SEMA3E: variants seen among roughly 807,000 people sequenced by gnomAD.
SEMA3E encodes semaphorin-3E.
Under a neutral mutation model 93.6 loss-of-function variants are expected in SEMA3E, and 49 were observed. The observed-to-expected ratio is 0.52, with a 90% confidence interval of 0.42 to 0.66. The LOEUF (loss-of-function observed/expected upper bound fraction) is 0.66. Ranked by LOEUF, SEMA3E falls within the 30% of genes least tolerant of loss-of-function variation. The pLI is 0.00. For missense variants in SEMA3E, 906 were observed against 964.8 expected, an observed-to-expected ratio of 0.94 and a Z score of 0.81; for synonymous variants, 363 against 330.7, an observed-to-expected ratio of 1.10 and a Z score of -1.06.
intron 4 of SEMA3E, among the ~76,000 whole-genome samples, chr7:83,453,599 G>C (rs1789411001): frequency 6.6e-6 from 1 of 152,030 alleles, no homozygotes; most frequent in Non-Finnish European, 1.5e-5. Flanking sequence ...TGACTTCATA[G>C]GGGAATACTC....
intron 4 of SEMA3E, among the ~76,000 whole-genome samples, chr7:83,445,781 G>A (rs1304261604): frequency 6.6e-6 from 1 of 152,024 alleles, no homozygotes; most frequent in African/African-American, 2.4e-5. Context: ...AGAAAGAAGA[G>A]TGAGGGCTTC....
At chr7:83,398,304 C>T (rs942037614) in intron 11 of SEMA3E, among the ~76,000 whole-genome samples, 3 of 152,128 alleles carry the variant, frequency 2.0e-5, no homozygotes, top group Non-Finnish European at 4.4e-5. Context: ...ATTTAAAAAT[C>T]ACATACTAGG....
At chr7:83,488,327 TC>T (rs1296884290) in intron 2 of SEMA3E, among the ~76,000 whole-genome samples, 2 of 152,048 alleles carry the variant, frequency 1.3e-5, no homozygotes, top group African/African-American at 4.8e-5. Flanking sequence ...CCACTGTGTC[TC>T]AGTGCAAGGG....
At chr7:83,503,007 TC>T (rs1369737894) in intron 1 of SEMA3E, among the ~76,000 whole-genome samples, 1 of 79,010 alleles carries the variant, frequency 1.3e-5, no homozygotes, top group African/African-American at 5.1e-5. Flanking sequence ...AGTTTCTTTC[TC>T]TCTCTTTTTT....
chr7:83,539,602 T>TTG (rs71857942), intron 1 of SEMA3E, among the ~76,000 whole-genome samples: 33,777 of 151,964 alleles, frequency 0.22, 3,920 homozygotes, highest in East Asian at 0.39. Flanking sequence ...ACTTACCAGT[T>TTG]TCTTTCAGCT....
rs192697566 is a variant in SEMA3E at position 83,407,172 on chromosome 7, G to T, written c.738C>A (p.Phe246Leu). The T allele has an allele frequency of 3.9e-4, 637 of 1,613,400 alleles. 1 individual carries two copies. Among genetic ancestry groups the T allele is most frequent in the Non-Finnish European group, 9.9e-5 (117 of 1,179,748 alleles). ...CCTCCAGTGCCTTCTCAGTAAAAAA[G>T]AAATATACTTTGTTGTCATCTCTGT... The part of the protein sequence containing the change: ...NEDRDDNKVY[F>L]FFTEKALEAE... Residue 246 changes from phenylalanine (F) to leucine (L), a missense_variant, in exon 7 of 17, where the codon TTC (phenylalanine) becomes TTA (leucine). Phe to Leu is a conservative substitution (Grantham distance 22). Transcript: ENST00000643230.
At chr7:83,540,895 G>A (rs1409904855) in intron 1 of SEMA3E, among the ~76,000 whole-genome samples, 2 of 152,116 alleles carry the variant, frequency 1.3e-5, no homozygotes, top group African/African-American at 4.8e-5. Flanking sequence ...AGCCCAAATG[G>A]CATAAAACAC....
chr7:83,631,039 A>G (rs751498584), intron 1 of SEMA3E, among the ~76,000 whole-genome samples: 14 of 152,176 alleles, frequency 9.2e-5, no homozygotes, highest in Non-Finnish European at 2.1e-4. Context: ...CAAGATTTCA[A>G]GCAAATTCAA....
chr7:83,383,020 T>A (rs953603849), intron 16 of SEMA3E, among the ~76,000 whole-genome samples: 2 of 151,912 alleles, frequency 1.3e-5, no homozygotes, highest in African/African-American at 4.8e-5. Flanking sequence ...CAGGCAGACA[T>A]TACAGAATCA....
At chr7:83,384,781 C>A (rs1044667623) in intron 16 of SEMA3E, among the ~76,000 whole-genome samples, 1 of 151,970 alleles carries the variant, frequency 6.6e-6, no homozygotes, top group Admixed American at 6.6e-5. Flanking sequence ...TTGTTCCCAG[C>A]GGTCAAGAAC....
intron 1 of SEMA3E, among the ~76,000 whole-genome samples, chr7:83,573,750 C>T (rs1363575152): frequency 2.0e-5 from 3 of 151,704 alleles, no homozygotes; most frequent in Admixed American, 6.6e-5. Context: ...TACATGTAGA[C>T]GATTCATGGT....
chr7:83,386,494 C>G (rs1787885571), intron 15 of SEMA3E, among the ~76,000 whole-genome samples: 1 of 152,110 alleles, frequency 6.6e-6, no homozygotes, highest in South Asian at 2.1e-4. Context: ...CACCCTATCA[C>G]CTTTATTGAA....
Position 83,648,781 on chromosome 7 carries a change from C to T in SEMA3E, c.-239G>A, listed in dbSNP as rs138623179. On this transcript the variant is annotated 5_prime_UTR_variant, in exon 1 of 17. Coordinates refer to ENST00000643230, the MANE Select transcript of SEMA3E (RefSeq NM_012431.3). ...CAAGAGGACATTCCAAAGAGTGAGT[C>T]TTCAGAGCCATGTCCTGTCTAGAGC... is the stretch of plus-strand genomic sequence containing the variant. The T allele has an allele frequency of 3.0e-4, 168 of 561,770 alleles. No individual in the cohort carries two copies. The highest frequency in any genetic ancestry group is 2.9e-3 in the African/African-American group (153 of 52,990). The allele number at this position is 561,770 out of a possible 1,614,324, so 34.8% of individuals were successfully genotyped here. A position where few individuals can be genotyped will look rare whatever the true frequency, so the allele number is the denominator to read the frequency against.
intron 16 of SEMA3E, among the ~76,000 whole-genome samples, chr7:83,383,593 A>G (rs959099487): frequency 1.3e-5 from 2 of 151,998 alleles, no homozygotes; most frequent in African/African-American, 4.8e-5. Context: ...TCAAAGTCCA[A>G]ATATCAGCAA....
At chr7:83,508,121 T>C (rs922664517) in intron 1 of SEMA3E, among the ~76,000 whole-genome samples, 7 of 152,198 alleles carry the variant, frequency 4.6e-5, no homozygotes, top group Non-Finnish European at 8.8e-5. Flanking sequence ...AGAGCCTCCT[T>C]ATTTTCCTTG....
chr7:83,378,093 C>T (rs1201531636), intron 16 of SEMA3E, among the ~76,000 whole-genome samples: 1 of 151,884 alleles, frequency 6.6e-6, no homozygotes, highest in East Asian at 1.9e-4. Flanking sequence ...ATGATTTATA[C>T]ACCCTTCATA....
chr7:83,512,060 C>T (rs2115651840), intron 1 of SEMA3E, among the ~76,000 whole-genome samples: 2 of 151,376 alleles, frequency 1.3e-5, no homozygotes, highest in Middle Eastern at 3.4e-3. Flanking sequence ...TTTTTTTTAC[C>T]CCAAAGAAAT....
intron 4 of SEMA3E, among the ~76,000 whole-genome samples, chr7:83,433,172 A>C (rs1406697064): frequency 6.6e-6 from 1 of 152,182 alleles, no homozygotes; most frequent in Non-Finnish European, 1.5e-5. Context: ...CAAAGATTAT[A>C]TGATGTGATC....
intron 1 of SEMA3E, among the ~76,000 whole-genome samples, chr7:83,618,617 T>A (rs1793476475): frequency 6.6e-6 from 1 of 150,642 alleles, no homozygotes; most frequent in Non-Finnish European, 1.5e-5. Context: ...AATGACTTTA[T>A]TTTTTCTATT....
Sources: gnomAD v4.1 joint callset for allele counts (sites outside exome capture counted in the v4.1 genomes callset) on GRCh38, gnomAD v4.1.1 for gene constraint, MANE v1.5 for transcripts, NCBI Gene and HGNC (gene_info 2026-07-23, HGNC 2026-07-21) for gene names.